Variants in UBE2G1 observed in about 807,000 individuals in gnomAD.
UBE2G1 encodes ubiquitin-conjugating enzyme E2 G1.
UBE2G1 carries 5 observed loss-of-function variants against 22.7 expected under a neutral mutation model. That is an observed-to-expected ratio of 0.22 (90% CI 0.12 to 0.46). The LOEUF (loss-of-function observed/expected upper bound fraction) is 0.46. Among genes scored for constraint, UBE2G1 ranks in the 20% least tolerant of loss-of-function variants. The probability of loss-of-function intolerance (pLI) is 0.99; values close to 1 mark genes in which losing one functional copy is unlikely to be tolerated. For synonymous variants in UBE2G1, 74 were observed against 67.5 expected (o/e 1.10, Z -0.47); for missense variants, 88 against 203.9 (o/e 0.43, Z 3.46).
intron 1 of UBE2G1, among the ~76,000 whole-genome samples, chr17:4,330,984 A>ACACACACACG (rs1969570325): frequency 6.6e-6 from 1 of 150,734 alleles, no homozygotes; most frequent in Non-Finnish European, 1.5e-5. Context: ...AACCACACAC[A>ACACACACACG]CACACACACA....
intron 1 of UBE2G1, among the ~76,000 whole-genome samples, chr17:4,356,953 C>T (rs1969912495): frequency 6.6e-6 from 1 of 152,040 alleles, no homozygotes; most frequent in Non-Finnish European, 1.5e-5. Flanking sequence ...GAAAGGTTTC[C>T]TGTAACCTTT....
rs1007306581 is a variant in UBE2G1 at position 4,283,448 on chromosome 17, T to C, written c.427-527A>G. Among the ~76,000 whole-genome samples, 6 of 152,208 alleles carry C rather than the reference T, an allele frequency of 3.9e-5. No individual in the cohort carries two copies. In the South Asian group the frequency reaches 1.2e-3, roughly 32 times the overall value. The stretch of plus-strand genomic sequence containing the variant: ...TGGGGAAGTGGAGCTTGCTGTGACC[T>C]GAGATGGTGCCACTGCACTGCAGCC... On this transcript the variant is annotated intron_variant, in intron 4 of 5. Coordinates refer to ENST00000396981, the MANE Select transcript of UBE2G1 (RefSeq NM_003342.5).
intron 2 of UBE2G1, among the ~76,000 whole-genome samples, chr17:4,298,424 T>C (rs1026543328): frequency 6.6e-6 from 1 of 152,164 alleles, no homozygotes; most frequent in Non-Finnish European, 1.5e-5. Context: ...TAACTAACAA[T>C]AGTTAGTGTT....
At position 4,313,206 on chromosome 17, in the gene UBE2G1, G is replaced by A. The variant is rs374682966; in HGVS notation, c.47-6083C>T. On this transcript the variant is annotated intron_variant, in intron 1 of 5. Transcript: ENST00000396981. ...GTTTTTTCACATCAATTTGAGTGGA[G>A]GTGGTCCTCCTATGCAGGACACAAA... Among the ~76,000 whole-genome samples the A allele has an allele frequency of 1.2e-3, 180 of 152,308 alleles. 2 individuals are homozygous for A. Among genetic ancestry groups the A allele is most frequent in the African/African-American group, 4.1e-3 (171 of 41,560 alleles).
At chr17:4,329,943 T>C (rs1287905135) in intron 1 of UBE2G1, among the ~76,000 whole-genome samples, 1 of 151,948 alleles carries the variant, frequency 6.6e-6, no homozygotes, top group African/African-American at 2.4e-5. Flanking sequence ...CAGTGAGAAA[T>C]TCCCTGATGA....
intron 1 of UBE2G1, among the ~76,000 whole-genome samples, chr17:4,312,118 C>A (rs1043347465): frequency 6.6e-6 from 1 of 151,442 alleles, no homozygotes; most frequent in African/African-American, 2.4e-5. Context: ...TGGTGGTGGG[C>A]GCCTGTAGTC....
intron 1 of UBE2G1, among the ~76,000 whole-genome samples, chr17:4,329,800 T>C (rs1208990678): frequency 1.3e-5 from 2 of 148,434 alleles, no homozygotes; most frequent in African/African-American, 5.1e-5. Context: ...GACTAGTCCA[T>C]TGCCATTAGG....
intron 1 of UBE2G1, among the ~76,000 whole-genome samples, chr17:4,356,518 T>A (rs1290893956): frequency 2.0e-5 from 3 of 152,314 alleles, no homozygotes; most frequent in Admixed American, 2.0e-4. Context: ...TTTATGCTGA[T>A]CCTTTATTCC....
chr17:4,357,378 G>A (rs979128994), intron 1 of UBE2G1, among the ~76,000 whole-genome samples: 1 of 151,858 alleles, frequency 6.6e-6, no homozygotes, highest in Non-Finnish European at 1.5e-5. Flanking sequence ...ATATATAGGA[G>A]AAAGCACAAG....
In UBE2G1 at chr17:4,363,950, C is replaced by CAAAAAAA. The variant is rs1195720643; in HGVS notation, c.46+2314_46+2320dup. ...TGGGCAACAGAGTAAGACTCCGTCT[C>CAAAAAAA]AAAAAAAAAAAAAAAAAAAAAAAAA... is the stretch of plus-strand genomic sequence containing the variant. On this transcript the variant is annotated intron_variant, in intron 1 of 5. Coordinates refer to ENST00000396981, the MANE Select transcript of UBE2G1 (RefSeq NM_003342.5). Among the ~76,000 whole-genome samples the CAAAAAAA allele has an allele frequency of 4.1e-3, 182 of 43,898 alleles. 16 individuals carry two copies. Among genetic ancestry groups the CAAAAAAA allele is most frequent in the African/African-American group, 0.015 (171 of 11,198 alleles). The allele number at this position is 43,898 out of a possible 152,430, so 28.8% of individuals were successfully genotyped here. A position where few individuals can be genotyped will look rare whatever the true frequency, so the allele number is the denominator to read the frequency against.
At position 4,280,336 on chromosome 17, in the gene UBE2G1, CTTTTTTT is replaced by C. The variant is rs71144178; in HGVS notation, c.*37+2455_*37+2461del. Reference sequence around the variant, plus strand: ...ACAAGTGTGAGCCGCGGCACCTGGGCTTTTTTTTTTTTTTTTTTTTTTTTTTTTGAGA... The same window carrying C: ...ACAAGTGTGAGCCGCGGCACCTGGGCTTTTTTTTTTTTTTTTTTTTTGAGA... On this transcript the variant is annotated intron_variant, in intron 5 of 5. Transcript: ENST00000396981. 4.7e-3 allele frequency among the ~76,000 whole-genome samples: 322 copies of C among 68,958 alleles called. 42 individuals are homozygous for C. Among genetic ancestry groups the C allele is most frequent in the African/African-American group, 0.02 (311 of 15,198 alleles). The allele number at this position is 68,958 out of a possible 152,430, so 45.2% of individuals were successfully genotyped here.
intron 1 of UBE2G1, among the ~76,000 whole-genome samples, chr17:4,319,386 G>T (rs952579054): frequency 6.6e-6 from 1 of 152,180 alleles, no homozygotes; most frequent in Non-Finnish European, 1.5e-5. Context: ...CTCATTGTAG[G>T]TAAGTAACAG....
chr17:4,289,585 T>G (rs899101133), intron 3 of UBE2G1, among the ~76,000 whole-genome samples, 177 bp from the exon 4 acceptor site: 1 of 152,234 alleles, frequency 6.6e-6, no homozygotes, highest in African/African-American at 2.4e-5. Flanking sequence ...GTATAGATTG[T>G]ACTACATACA....
intron 1 of UBE2G1, among the ~76,000 whole-genome samples, chr17:4,351,182 GGGGGT>G (rs1969841212): frequency 6.8e-6 from 1 of 148,090 alleles, no homozygotes; most frequent in African/African-American, 2.7e-5. Context: ...ACGGGGGCTG[GGGGGT>G]GGGGGAAAGG....
intron 1 of UBE2G1, among the ~76,000 whole-genome samples, chr17:4,361,508 CAG>C (rs1567532403): frequency 6.6e-6 from 1 of 152,168 alleles, no homozygotes; most frequent in Non-Finnish European, 1.5e-5. Flanking sequence ...GCCTGGGTGA[CAG>C]AGTGAGACTC....
At chr17:4,306,978 T>TA in intron 2 of UBE2G1, 43 bp downstream of exon 2, 1 of 1,568,234 alleles carries the variant, frequency 6.4e-7, no homozygotes. Flanking sequence ...TTCAGTGTAT[T>TA]AAAAGAGCTC....
chr17:4,359,870 AAC>A (rs1181168715), intron 1 of UBE2G1, among the ~76,000 whole-genome samples: 1 of 151,220 alleles, frequency 6.6e-6, no homozygotes, highest in Non-Finnish European at 1.5e-5. Context: ...AAAAAAAACA[AAC>A]AAAAAAAAAC....
chr17:4,307,879 GCA>G (rs1598188433), intron 1 of UBE2G1, among the ~76,000 whole-genome samples: 1 of 152,312 alleles, frequency 6.6e-6, no homozygotes, highest in East Asian at 1.9e-4. Context: ...CAAGGTGGGG[GCA>G]CACAGGCCAA....
At chr17:4,316,182 T>C (rs1969369810) in intron 1 of UBE2G1, among the ~76,000 whole-genome samples, 1 of 152,076 alleles carries the variant, frequency 6.6e-6, no homozygotes, top group African/African-American at 2.4e-5. Context: ...CTAGTAACGA[T>C]TTTCCTTTGT....
Sources: allele counts gnomAD v4.1 joint callset (sites outside exome capture counted in the v4.1 genomes callset), GRCh38; gene constraint gnomAD v4.1.1; transcripts MANE v1.5; gene names NCBI Gene and HGNC (gene_info 2026-07-23, HGNC 2026-07-21).